FSTL5: variants seen among roughly 807,000 people sequenced by gnomAD.
FSTL5 encodes follistatin like 5.
Under a neutral mutation model 89.1 loss-of-function variants are expected in FSTL5, and 62 were observed. That is an observed-to-expected ratio of 0.70 (90% CI 0.57 to 0.86). FSTL5 has a LOEUF of 0.86. FSTL5 is among the 40% of genes least tolerant of loss of function. The pLI, the probability that FSTL5 is intolerant of heterozygous loss-of-function variation, is 0.00. For missense variants in FSTL5, 1,057 were observed against 1,001.6 expected (o/e 1.06, Z -0.75); for synonymous variants, 383 against 346.2 (o/e 1.11, Z -1.18).
At chr4:161,774,003 T>A (rs1741305098) in intron 5 of FSTL5, among the ~76,000 whole-genome samples, 1 of 152,152 alleles carries the variant, frequency 6.6e-6, no homozygotes, top group Non-Finnish European at 1.5e-5. Context: ...GGCTCACGCA[T>A]GTAATCCCAG....
At chr4:161,718,051 A>G (rs986106729) in intron 6 of FSTL5, among the ~76,000 whole-genome samples, 17 of 152,202 alleles carry the variant, frequency 1.1e-4, no homozygotes, top group Admixed American at 1.0e-3. Flanking sequence ...TTCTGTCTAT[A>G]AAATTCAACT....
chr4:161,763,621 G>A (rs1740882586), intron 5 of FSTL5, among the ~76,000 whole-genome samples: 1 of 152,118 alleles, frequency 6.6e-6, no homozygotes, highest in South Asian at 2.1e-4. Flanking sequence ...GCAAGAAATA[G>A]CAATTGTGAA....
intron 13 of FSTL5, among the ~76,000 whole-genome samples, chr4:161,470,822 A>G (rs1480136603): frequency 6.6e-6 from 1 of 152,208 alleles, no homozygotes; most frequent in East Asian, 1.9e-4. Flanking sequence ...GTTAATCTCT[A>G]CGTATTTTAC....
At chr4:161,573,812 G>A (rs1285371549) in intron 8 of FSTL5, among the ~76,000 whole-genome samples, 7 of 143,942 alleles carry the variant, frequency 4.9e-5, no homozygotes, top group African/African-American at 1.8e-4. Context: ...GAAAACAAAA[G>A]AAAAGACAGA....
At chr4:161,620,082 C>T (rs938388620) in intron 7 of FSTL5, among the ~76,000 whole-genome samples, 6 of 150,600 alleles carry the variant, frequency 4.0e-5, no homozygotes, top group African/African-American at 1.5e-4. Flanking sequence ...AGTAAACTAT[C>T]GCAAGAAGAA....
chr4:162,153,109 G>A (rs1404450606), intron 1 of FSTL5, among the ~76,000 whole-genome samples: 2 of 152,034 alleles, frequency 1.3e-5, no homozygotes, highest in African/African-American at 4.8e-5. Flanking sequence ...CTTCTATTTT[G>A]TGAGTAGATG....
intron 6 of FSTL5, among the ~76,000 whole-genome samples, chr4:161,745,898 G>A (rs1194834995): frequency 1.3e-5 from 2 of 151,986 alleles, no homozygotes; most frequent in African/African-American, 2.4e-5. Context: ...CTACAGGCTC[G>A]AATATTTAGT....
chr4:161,676,747 G>GCACACACACACACACACACA (rs148353944), intron 6 of FSTL5, among the ~76,000 whole-genome samples: 1 of 143,268 alleles, frequency 7.0e-6, no homozygotes, highest in African/African-American at 2.5e-5. Flanking sequence ...ATACATACAC[G>GCACACACACACACACACACA]CACACACACA....
intron 6 of FSTL5, among the ~76,000 whole-genome samples, chr4:161,729,149 T>A (rs571383136): frequency 6.6e-6 from 1 of 152,350 alleles, no homozygotes; most frequent in South Asian, 2.1e-4. Flanking sequence ...GTGGTTTTAC[T>A]TTCAGTAACA....
Position 161,992,859 on chromosome 4 carries a change from AAAATATATAT to A in FSTL5, c.160+40756_160+40765del, listed in dbSNP as rs1560957258. ...TGAAACTCCATCTCAAAAAAAAAAA[AAAATATATAT>A]ATATATATATATATATATATATATA... On this transcript the variant is annotated intron_variant, in intron 3 of 15. Coordinates refer to ENST00000306100, the MANE Select transcript of FSTL5 (RefSeq NM_020116.5). Among the ~76,000 whole-genome samples, 135 of 14,776 alleles carry A rather than the reference AAAATATATAT, an allele frequency of 9.1e-3. 1 individual carries two copies. The highest frequency in any genetic ancestry group is 0.012 in the Non-Finnish European group (103 of 8,360). 9.7% of individuals were successfully genotyped at this position (14,776 alleles called of 152,430 possible).
chr4:161,733,157 C>G (rs1479603085), intron 6 of FSTL5, among the ~76,000 whole-genome samples: 1 of 151,850 alleles, frequency 6.6e-6, no homozygotes, highest in Non-Finnish European at 1.5e-5. Context: ...TAATTTCTCT[C>G]ATAAAAATTG....
intron 7 of FSTL5, among the ~76,000 whole-genome samples, chr4:161,654,183 C>T (rs751420393): frequency 2.0e-5 from 3 of 152,014 alleles, no homozygotes. Flanking sequence ...TTTCTCAGAT[C>T]CATGTACAAG....
intron 15 of FSTL5, among the ~76,000 whole-genome samples, chr4:161,426,820 C>T (rs1324699071): frequency 6.6e-6 from 1 of 152,158 alleles, no homozygotes; most frequent in Admixed American, 6.5e-5. Flanking sequence ...ACCTAATGGT[C>T]TCTAGCCACA....
At chr4:161,982,830 T>C (rs566239050) in intron 3 of FSTL5, among the ~76,000 whole-genome samples, 1 of 152,174 alleles carries the variant, frequency 6.6e-6, no homozygotes, top group Non-Finnish European at 1.5e-5. Flanking sequence ...GTCTATGTAT[T>C]ATTCTTTCGA....
rs9784501 is a variant in FSTL5, at chr4:162,027,908, C to T, written c.160+5717G>A. Among the ~76,000 whole-genome samples, 711 of 151,880 alleles carry T rather than the reference C, an allele frequency of 4.7e-3. 2 individuals carry two copies. Among genetic ancestry groups the T allele is most frequent in the African/African-American group, 0.014 (599 of 41,452 alleles). On this transcript the variant is annotated intron_variant, in intron 3 of 15. Transcript: ENST00000306100. ...AAATTGATTTTTAATAAAATAAATC[C>T]GAGAAAATAGAATTGTTCTCATAGA...
intron 7 of FSTL5, among the ~76,000 whole-genome samples, chr4:161,629,602 C>T (rs1297614983): frequency 2.0e-5 from 3 of 152,142 alleles, no homozygotes; most frequent in East Asian, 3.9e-4. Flanking sequence ...GCCTCGGCCT[C>T]TGAAAGTGCT....
chr4:161,404,841 T>C (rs1578947925), intron 15 of FSTL5, among the ~76,000 whole-genome samples: 1 of 151,306 alleles, frequency 6.6e-6, no homozygotes, highest in Non-Finnish European at 1.5e-5. Flanking sequence ...ACTAGGAAAG[T>C]CGGACCACAC....
chr4:161,610,651 T>A (rs4583715), intron 7 of FSTL5, among the ~76,000 whole-genome samples: 133,977 of 152,120 alleles, frequency 0.88, 59,071 homozygotes, highest in Non-Finnish European at 0.89. Context: ...CCTAAATTAG[T>A]AATCAAATGG....
At chr4:161,770,915 C>A (rs1258365416) in intron 5 of FSTL5, among the ~76,000 whole-genome samples, 1 of 151,886 alleles carries the variant, frequency 6.6e-6, no homozygotes. Context: ...GGAGAGAATT[C>A]TTAGGATTAG....
Sources: allele counts gnomAD v4.1 joint callset (sites outside exome capture counted in the v4.1 genomes callset), GRCh38; gene constraint gnomAD v4.1.1; transcripts MANE v1.5; gene names NCBI Gene and HGNC (gene_info 2026-07-23, HGNC 2026-07-21).